The following PLSCR2 variants were observed in gnomAD, a reference collection of about 807,000 sequenced individuals.
PLSCR2 encodes the protein PL scramblase 2.
Under a neutral mutation model 25.3 loss-of-function variants are expected in PLSCR2, and 18 were observed. The ratio of observed to expected loss-of-function variants is 0.71; its 90% confidence interval spans 0.49 to 1.06. The LOEUF is 1.06. PLSCR2 is among the 50% of genes least tolerant of loss of function. The pLI is 0.00. For synonymous variants in PLSCR2, 88 were observed against 87.3 expected, an observed-to-expected ratio of 1.01 and a Z score of -0.04; for missense variants, 243 against 269.5, an observed-to-expected ratio of 0.90 and a Z score of 0.69.
At chr3:146,449,084 G>T in intron 6 of PLSCR2, 122 bp downstream of exon 6, 1 of 761,046 alleles carries the variant, frequency 1.3e-6, no homozygotes, top group Non-Finnish European at 2.1e-6. Flanking sequence ...GGGATTAAAT[G>T]AGAACATTTT....
chr3:146,440,534 A>G (rs1188392994), downstream of PLSCR2, among the ~76,000 whole-genome samples: 1 of 152,162 alleles, frequency 6.6e-6, no homozygotes, highest in South Asian at 2.1e-4. Context: ...CTGCTGTGCT[A>G]GCAGCGAGCG....
At chr3:146,438,893 GT>G (rs1212333374), downstream of PLSCR2, among the ~76,000 whole-genome samples, 2 of 152,186 alleles carry the variant, frequency 1.3e-5, no homozygotes, top group African/African-American at 2.4e-5. Flanking sequence ...AATTTGGCAT[GT>G]TTTTGCAGTG....
intron 2 of PLSCR2, among the ~76,000 whole-genome samples, chr3:146,418,675 T>C (rs954396038): frequency 1.3e-5 from 2 of 152,186 alleles, no homozygotes; most frequent in Non-Finnish European, 2.9e-5. Flanking sequence ...CCTCTTGTCC[T>C]GCAGCTCTGC....
At chr3:146,400,719 A>G (rs1270751891) in intron 2 of PLSCR2, among the ~76,000 whole-genome samples, 1 of 151,802 alleles carries the variant, frequency 6.6e-6, no homozygotes, top group African/African-American at 2.4e-5. Flanking sequence ...ACTACCTGAT[A>G]TTAAGACTTA....
At chr3:146,474,665 T>C (rs931816973) in intron 1 of PLSCR2, among the ~76,000 whole-genome samples, 1 of 152,132 alleles carries the variant, frequency 6.6e-6, no homozygotes, top group Non-Finnish European at 1.5e-5. Flanking sequence ...ATTTCCTTAA[T>C]TTTCATGTTG....
rs541571674 is a variant in PLSCR2, at chr3:146,406,219, A to C, written c.101-10298T>G. Among the ~76,000 whole-genome samples the C allele has an allele frequency of 3.3e-4, 50 of 152,336 alleles. No homozygotes were observed. The South Asian group carries it at 9.7e-3, about 30-fold the overall frequency. On this transcript the variant is annotated intron_variant and NMD_transcript_variant, in intron 2 of 3. Coordinates refer to the PLSCR2 transcript ENST00000463633. ...CCGCTAAAGTTACACCTGTCTAATCAGGGCAGAAAAACTGATAAGTATCTC... is the reference window on the plus strand; with the variant it reads ...CCGCTAAAGTTACACCTGTCTAATCCGGGCAGAAAAACTGATAAGTATCTC...
At chr3:146,467,819 C>T (rs1202598674) in intron 1 of PLSCR2, among the ~76,000 whole-genome samples, 4 of 151,836 alleles carry the variant, frequency 2.6e-5, no homozygotes, top group Non-Finnish European at 5.9e-5. Flanking sequence ...GTATGAGGGG[C>T]GTGGTAGGGC....
chr3:146,471,057 T>A (rs74548888), intron 1 of PLSCR2, among the ~76,000 whole-genome samples: 19 of 144,856 alleles, frequency 1.3e-4, no homozygotes, highest in Admixed American at 3.5e-4. Flanking sequence ...GTTTTTTTTT[T>A]ACATAAAGAG....
downstream of PLSCR2, among the ~76,000 whole-genome samples, chr3:146,437,266 G>C (rs953325475): frequency 6.6e-6 from 1 of 152,116 alleles, no homozygotes; most frequent in East Asian, 1.9e-4. Flanking sequence ...GCCAGGCTTT[G>C]GTATCAGGAT....
chr3:146,492,123 A>C (rs1258803395), intron 1 of PLSCR2, among the ~76,000 whole-genome samples: 1 of 152,128 alleles, frequency 6.6e-6, no homozygotes, highest in Non-Finnish European at 1.5e-5. Flanking sequence ...AGCAATTCTC[A>C]GCTGTATGTT....
intron 2 of PLSCR2, among the ~76,000 whole-genome samples, chr3:146,400,020 G>C (rs2038410937): frequency 6.6e-6 from 1 of 151,456 alleles, no homozygotes; most frequent in African/African-American, 2.4e-5. Flanking sequence ...AAATTAGATG[G>C]CAAAATTAGA....
At chr3:146,420,533 T>C (rs1393101478) in intron 2 of PLSCR2, among the ~76,000 whole-genome samples, 1 of 152,130 alleles carries the variant, frequency 6.6e-6, no homozygotes, top group South Asian at 2.1e-4. Flanking sequence ...CAAAAAGATA[T>C]AAAGCAATCA....
intron 2 of PLSCR2, among the ~76,000 whole-genome samples, chr3:146,399,154 C>A (rs1286332610): frequency 1.3e-5 from 2 of 151,830 alleles, no homozygotes; most frequent in Non-Finnish European, 3.0e-5. Context: ...AATTGCCATG[C>A]CCATGAAACA....
At chr3:146,449,132 T>C (rs1390470599) in intron 6 of PLSCR2, 74 bp downstream of exon 6, 14 of 1,068,718 alleles carry the variant, frequency 1.3e-5, no homozygotes, top group Non-Finnish European at 1.4e-6. Flanking sequence ...TCTTAAAATG[T>C]ATAATTTATT....
upstream of PLSCR2, among the ~76,000 whole-genome samples, chr3:146,460,655 T>C (rs2041521233): frequency 6.6e-6 from 1 of 152,174 alleles, no homozygotes; most frequent in Non-Finnish European, 1.5e-5. Context: ...AGACTGATAT[T>C]GTCAGCTGGT....
Position 146,460,163 on chromosome 3 carries a change from C to T in PLSCR2, c.-180+9G>A, listed in dbSNP as rs373935213. 44 of 1,383,856 alleles carry T rather than the reference C, an allele frequency of 3.2e-5. No individual in the cohort carries two copies. The African/African-American group carries it at 5.5e-4, about 17-fold the overall frequency. The allele number at this position is 1,383,856 out of a possible 1,614,324, so 85.7% of individuals were successfully genotyped here. ...TTTTTAGAATAACCCCAGTTATCTA[C>T]AAACTGACCTCTCAGCTCAGAAGTC... On this transcript the variant is annotated intron_variant, in intron 1 of 6. Coordinates refer to ENST00000610787, the Ensembl canonical transcript of PLSCR2.
intron 5 of PLSCR2, among the ~76,000 whole-genome samples, chr3:146,449,699 T>C (rs2040784189): frequency 6.6e-6 from 1 of 152,168 alleles, no homozygotes; most frequent in African/African-American, 2.4e-5. Context: ...AAATTTGAAG[T>C]ATTTCTTTGA....
downstream of PLSCR2, among the ~76,000 whole-genome samples, chr3:146,440,332 G>A (rs937028938): frequency 2.0e-5 from 3 of 152,170 alleles, no homozygotes; most frequent in African/African-American, 7.2e-5. Context: ...GTCCACAAAA[G>A]TTTCTGCTGC....
chr3:146,474,680 G>A (rs911822247), intron 1 of PLSCR2, among the ~76,000 whole-genome samples: 1 of 152,022 alleles, frequency 6.6e-6, no homozygotes. Context: ...ATGTTGGCTT[G>A]TTTTGCTAAG....
Sources: gnomAD v4.1 joint callset for allele counts (sites outside exome capture counted in the v4.1 genomes callset) on GRCh38, gnomAD v4.1.1 for gene constraint, MANE v1.5 for transcripts, NCBI Gene and HGNC (gene_info 2026-07-23, HGNC 2026-07-21) for gene names.